The following EPM2A variants were observed in gnomAD, a reference collection of about 807,000 sequenced individuals.
EPM2A encodes laforin.
A neutral mutation model predicts 26.5 loss-of-function variants in EPM2A; 21 were observed. The ratio of observed to expected loss-of-function variants is 0.79; its 90% CI spans 0.56 to 1.14. EPM2A has a LOEUF of 1.14. EPM2A is among the 50% of genes most tolerant of loss of function. EPM2A has a pLI of 0.00. For synonymous variants in EPM2A, 217 were observed against 177.6 expected (o/e 1.22, Z -1.76); for missense variants, 458 against 440.8 (o/e 1.04, Z -0.35).
intron 4 of EPM2A, among the ~76,000 whole-genome samples, chr6:145,483,565 C>G (rs999884073): frequency 6.6e-6 from 1 of 152,034 alleles, no homozygotes; most frequent in African/African-American, 2.4e-5. Context: ...CTAGAACAAC[C>G]TCATACTGTT....
At chr6:145,441,590 G>A (rs1562335945) in intron 4 of EPM2A, among the ~76,000 whole-genome samples, 1 of 152,152 alleles carries the variant, frequency 6.6e-6, no homozygotes, top group African/African-American at 2.4e-5. Context: ...CTGCCTGGGT[G>A]TGGTGGCTCA....
intron 4 of EPM2A, among the ~76,000 whole-genome samples, chr6:145,441,127 C>T (rs959096680): frequency 5.9e-5 from 9 of 152,242 alleles, no homozygotes; most frequent in East Asian, 1.9e-4. Flanking sequence ...GAAATCTAGA[C>T]GGAAGTTCCC....
At chr6:145,734,857 G>A (rs1055850170) in intron 1 of EPM2A, 1 of 162,536 alleles carries the variant, frequency 6.2e-6, no homozygotes, top group African/African-American at 2.4e-5. Context: ...GGGAGACGAA[G>A]GGCACTGGCC....
chr6:145,637,847 C>T (rs1218102289), intron 2 of EPM2A: 1 of 152,228 alleles, frequency 6.6e-6, no homozygotes, highest in Non-Finnish European at 1.5e-5. Flanking sequence ...CTAGATGTCC[C>T]ATCCCTCTTT....
intron 3 of EPM2A, chr6:145,501,960 C>A: frequency 2.3e-6 from 1 of 436,382 alleles, no homozygotes; most frequent in Non-Finnish European, 4.7e-6. Flanking sequence ...TGTCCAAAGT[C>A]TTAGTGCTGG....
At position 145,626,944 on chromosome 6, in the gene EPM2A, G is replaced by A. The variant is rs144921318; in HGVS notation, c.*472C>T. On this transcript the variant is annotated 3_prime_UTR_variant, in exon 4 of 4. Transcript: ENST00000367519. ...CCATAGTGAGCTCTTCTTTTGTAAC[G>A]GTTCAGGCTTCTAACCTTATTTCCT... The A allele has an allele frequency of 5.2e-5, 53 of 1,011,600 alleles. No homozygotes were observed. In the East Asian group the frequency reaches 2.8e-3, roughly 53 times the overall value. 62.7% of individuals were successfully genotyped at this position (1,011,600 alleles called of 1,614,324 possible).
At chr6:145,385,115 T>C (rs758130843) in intron 4 of EPM2A, among the ~76,000 whole-genome samples, 9 of 148,086 alleles carry the variant, frequency 6.1e-5, no homozygotes, top group Non-Finnish European at 1.2e-4. Flanking sequence ...AGAATTTTTC[T>C]CTTAAAGAAC....
intron 4 of EPM2A, among the ~76,000 whole-genome samples, chr6:145,385,863 A>G (rs988667603): frequency 5.3e-5 from 8 of 151,494 alleles, no homozygotes; most frequent in African/African-American, 1.9e-4. Context: ...TTATCTATCA[A>G]TTTTTCTTAT....
At chr6:145,622,873 C>G (rs2128554104), downstream of EPM2A, among the ~76,000 whole-genome samples, 1 of 152,306 alleles carries the variant, frequency 6.6e-6, no homozygotes, top group Non-Finnish European at 1.5e-5. Flanking sequence ...GTACTGTGAA[C>G]AGAGATTATA....
intron 2 of EPM2A, among the ~76,000 whole-genome samples, chr6:145,672,905 T>C (rs1583022101): frequency 6.6e-6 from 1 of 152,186 alleles, no homozygotes; most frequent in Non-Finnish European, 1.5e-5. Context: ...CCCATCTAAA[T>C]AGGGCAGTCA....
chr6:145,689,989 T>C (rs1229501189), intron 1 of EPM2A, among the ~76,000 whole-genome samples: 1 of 152,078 alleles, frequency 6.6e-6, no homozygotes, highest in Non-Finnish European at 1.5e-5. Context: ...CGACCATCAG[T>C]GGATGCCATG....
chr6:145,432,741 T>G (rs1446571612), intron 4 of EPM2A, among the ~76,000 whole-genome samples: 1 of 152,174 alleles, frequency 6.6e-6, no homozygotes, highest in African/African-American at 2.4e-5. Context: ...TTTGAAGCTT[T>G]AAAGCCAGGC....
At chr6:145,479,042 A>T in intron 4 of EPM2A, among the ~76,000 whole-genome samples, 1 of 151,198 alleles carries the variant, frequency 6.6e-6, no homozygotes, top group East Asian at 1.9e-4. Flanking sequence ...TATTTTTTAA[A>T]AGCTTGTTAT....
At chr6:145,550,062 G>T (rs1300701208) in intron 2 of EPM2A, among the ~76,000 whole-genome samples, 1 of 152,134 alleles carries the variant, frequency 6.6e-6, no homozygotes, top group Non-Finnish European at 1.5e-5. Flanking sequence ...TATAGCTTTT[G>T]AAGGAACTCA....
chr6:145,481,615 A>ACT (rs1219503102), intron 4 of EPM2A, among the ~76,000 whole-genome samples: 1 of 152,080 alleles, frequency 6.6e-6, no homozygotes, highest in Non-Finnish European at 1.5e-5. Flanking sequence ...CCAGGCCAAG[A>ACT]CCTGACTACA....
intron 1 of EPM2A, among the ~76,000 whole-genome samples, chr6:145,697,605 C>T (rs1781679179): frequency 6.6e-6 from 1 of 152,030 alleles, no homozygotes; most frequent in South Asian, 2.1e-4. Context: ...AAGATGGCCG[C>T]CCCCCGAAGC....
intron 2 of EPM2A, among the ~76,000 whole-genome samples, chr6:145,565,119 C>A (rs770697394): frequency 5.9e-5 from 9 of 152,186 alleles, no homozygotes; most frequent in Admixed American, 3.9e-4. Context: ...AGCCTTCCAT[C>A]TGCTTTGTGG....
At chr6:145,615,877 A>G (rs1377111715) in intron 2 of EPM2A, among the ~76,000 whole-genome samples, 2 of 152,198 alleles carry the variant, frequency 1.3e-5, no homozygotes, top group Non-Finnish European at 2.9e-5. Flanking sequence ...GAAGCAAAGC[A>G]TTCAAGATGT....
At chr6:145,729,453 A>T (rs1776374238) in intron 1 of EPM2A, among the ~76,000 whole-genome samples, 2 of 152,310 alleles carry the variant, frequency 1.3e-5, no homozygotes, top group South Asian at 4.1e-4. Flanking sequence ...TTGAAAGCCC[A>T]CCCCTCACAT....
Sources: allele counts gnomAD v4.1 joint callset (sites outside exome capture counted in the v4.1 genomes callset), GRCh38; gene constraint gnomAD v4.1.1; transcripts MANE v1.5; gene names NCBI Gene and HGNC (gene_info 2026-07-23, HGNC 2026-07-21).